Variants in CSMD1 observed in about 807,000 individuals in gnomAD.
CSMD1 encodes the protein CUB and sushi domain-containing protein 1.
A neutral mutation model predicts 417.5 loss-of-function variants in CSMD1; 213 were observed. The observed-to-expected ratio is 0.51, with a 90% CI of 0.46 to 0.57. The LOEUF (loss-of-function observed/expected upper bound fraction) is 0.57. CSMD1 is among the 20% of genes least tolerant of loss of function. The pLI is 0.00. For missense variants in CSMD1, 6,923 were observed against 4,529.7 expected (o/e 1.53, Z -15.17); for synonymous variants, 2,862 against 1,736.8 (o/e 1.65, Z -16.11).
chr8:3,934,397 T>C (rs556851119), intron 5 of CSMD1, among the ~76,000 whole-genome samples: 6 of 152,308 alleles, frequency 3.9e-5, no homozygotes, highest in South Asian at 2.1e-4. Context: ...CTTGTATTCA[T>C]TGAAATCAGT....
chr8:4,323,951 C>T (rs983964709), intron 3 of CSMD1, among the ~76,000 whole-genome samples: 2 of 152,168 alleles, frequency 1.3e-5, no homozygotes, highest in African/African-American at 2.4e-5. Flanking sequence ...ATTCAGACTA[C>T]TGGGCTGTCA....
chr8:4,080,041 G>T (rs1320999668), intron 3 of CSMD1, among the ~76,000 whole-genome samples: 1 of 150,992 alleles, frequency 6.6e-6, no homozygotes, highest in Non-Finnish European at 1.5e-5. Flanking sequence ...GGTGGTGAGT[G>T]GCCCAGCTAG....
At position 3,786,820 on chromosome 8, in the gene CSMD1, G is replaced by C. The variant is rs143025360; in HGVS notation, c.819-32778C>G. 3.6e-3 allele frequency among the ~76,000 whole-genome samples: 547 copies of C among 152,234 alleles called. 1 individual carries two copies. Among genetic ancestry groups the C allele is most frequent in the Middle Eastern group, 6.8e-3 (2 of 294 alleles). On this transcript the variant is annotated intron_variant, in intron 5 of 69. Transcript: ENST00000635120. The stretch of plus-strand genomic sequence containing the variant: ...GTGGTAGAGAGAGAAGAAGGAAACA[G>C]AATCTCTACTGGCTCTTGTTATAAA...
At chr8:4,135,153 C>A (rs1022645242) in intron 3 of CSMD1, among the ~76,000 whole-genome samples, 1 of 152,118 alleles carries the variant, frequency 6.6e-6, no homozygotes, top group African/African-American at 2.4e-5. Context: ...TATTCTGGTA[C>A]AATCACTATA....
intron 12 of CSMD1, among the ~76,000 whole-genome samples, chr8:3,451,808 T>C (rs1032104303): frequency 6.6e-6 from 1 of 152,218 alleles, no homozygotes; most frequent in African/African-American, 2.4e-5. Context: ...GGCTCTTTTT[T>C]GGTTCCATAT....
chr8:4,892,602 A>C (rs1465371660), intron 1 of CSMD1, among the ~76,000 whole-genome samples: 1 of 152,058 alleles, frequency 6.6e-6, no homozygotes, highest in South Asian at 2.1e-4. Context: ...ATACAGAAAA[A>C]AGTAAAAGTA....
intron 1 of CSMD1, among the ~76,000 whole-genome samples, chr8:4,900,565 A>C (rs1280604755): frequency 6.6e-6 from 1 of 152,136 alleles, no homozygotes; most frequent in Non-Finnish European, 1.5e-5. Flanking sequence ...TGCTTCTCCC[A>C]GTGCCACCTT....
At chr8:4,041,950 T>C (rs1797914974) in intron 3 of CSMD1, among the ~76,000 whole-genome samples, 1 of 152,036 alleles carries the variant, frequency 6.6e-6, no homozygotes, top group African/African-American at 2.4e-5. Flanking sequence ...AGATAAAGTA[T>C]TTAAAATGAA....
Position 4,645,444 on chromosome 8 carries a change from C to CAAAAAAAAAAAA in CSMD1, c.86-7898_86-7887dup, listed in dbSNP as rs549511320. Among the ~76,000 whole-genome samples, 27 of 36,852 alleles carry CAAAAAAAAAAAA rather than the reference C, an allele frequency of 7.3e-4. 11 individuals carry two copies. The highest frequency in any genetic ancestry group is 3.0e-3 in the South Asian group (2 of 666). The allele number at this position is 36,852 out of a possible 152,430, so 24.2% of individuals were successfully genotyped here. A position where few individuals can be genotyped will look rare whatever the true frequency, so the allele number is the denominator to read the frequency against. On this transcript the variant is annotated intron_variant, in intron 1 of 69. Transcript: ENST00000635120. ...CAAGACAGCAGGTGTAGTGCAGGGG[C>CAAAAAAAAAAAA]AAAAAAAAAAAAAAAAAAAAAAAGG...
At chr8:4,166,568 G>C (rs1041753196) in intron 3 of CSMD1, among the ~76,000 whole-genome samples, 1 of 152,102 alleles carries the variant, frequency 6.6e-6, no homozygotes, top group Non-Finnish European at 1.5e-5. Context: ...GGATACAAAG[G>C]CATGAGAATG....
chr8:4,614,074 T>C (rs913508573), intron 2 of CSMD1, among the ~76,000 whole-genome samples: 2 of 152,130 alleles, frequency 1.3e-5, no homozygotes, highest in African/African-American at 4.8e-5. Context: ...AGCCAAGATT[T>C]GACAGTTTAC....
At position 4,817,151 on chromosome 8, in the gene CSMD1, A is replaced by G. The variant is rs148241784; in HGVS notation, c.85+177181T>C. Among the ~76,000 whole-genome samples the G allele has an allele frequency of 9.2e-5, 14 of 152,288 alleles. No homozygotes were observed. In the East Asian group the frequency reaches 2.7e-3, roughly 29 times the overall value. On this transcript the variant is annotated intron_variant, in intron 1 of 69. Transcript: ENST00000635120. ...AATACATATCATAATATTTACATAA[A>G]TACACACACATGTATACACACTATA...
intron 3 of CSMD1, among the ~76,000 whole-genome samples, chr8:4,037,787 AC>A (rs1461512126): frequency 7.9e-5 from 12 of 152,096 alleles, no homozygotes; most frequent in Non-Finnish European, 1.5e-4. Context: ...AGGGCCTTGA[AC>A]CATTCCAGGT....
chr8:4,090,137 G>C (rs143831437), intron 3 of CSMD1, among the ~76,000 whole-genome samples: 2 of 152,264 alleles, frequency 1.3e-5, no homozygotes, highest in East Asian at 3.9e-4. Flanking sequence ...ATCATTAATA[G>C]AATACAGTCT....
intron 4 of CSMD1, among the ~76,000 whole-genome samples, chr8:4,005,842 C>T (rs1310565415): frequency 6.6e-6 from 1 of 152,216 alleles, no homozygotes; most frequent in Non-Finnish European, 1.5e-5. Context: ...AGCATAAGCA[C>T]TGTCTTTTAA....
chr8:4,279,508 C>T (rs373484256), intron 3 of CSMD1, among the ~76,000 whole-genome samples: 1 of 152,104 alleles, frequency 6.6e-6, no homozygotes, highest in Non-Finnish European at 1.5e-5. Flanking sequence ...CTTTATTACT[C>T]AATGTCAATA....
chr8:4,351,997 T>A lies in CSMD1; in HGVS notation c.415+67956A>T, dbSNP rs925379350. Among the ~76,000 whole-genome samples the A allele has an allele frequency of 2.0e-5, 3 of 148,672 alleles. No individual in the cohort carries two copies. In the Admixed American group the frequency reaches 2.1e-4, roughly 10 times the overall value. ...AAAAATGAGTGGCTTGAAACACGGG[T>A]ATGGAATTGACTAATGCAATGCTGA... On this transcript the variant is annotated intron_variant, in intron 3 of 69. Transcript: ENST00000635120.
intron 5 of CSMD1, among the ~76,000 whole-genome samples, chr8:3,802,680 T>C (rs1275674021): frequency 6.6e-6 from 1 of 152,170 alleles, no homozygotes; most frequent in Non-Finnish European, 1.5e-5. Context: ...CTCATGACAC[T>C]TCAAAACGCA....
At chr8:3,635,398 C>T (rs569890095) in intron 7 of CSMD1, among the ~76,000 whole-genome samples, 5 of 151,886 alleles carry the variant, frequency 3.3e-5, no homozygotes, top group East Asian at 2.0e-4. Flanking sequence ...CACTTGAACC[C>T]GGTTGAACCT....
Sources: gnomAD v4.1 joint callset for allele counts (sites outside exome capture counted in the v4.1 genomes callset) on GRCh38, gnomAD v4.1.1 for gene constraint, MANE v1.5 for transcripts, NCBI Gene and HGNC (gene_info 2026-07-23, HGNC 2026-07-21) for gene names.